The following TTLL11 variants were observed in gnomAD, a reference collection of about 807,000 sequenced individuals.
TTLL11 encodes the protein tubulin polyglutamylase TTLL11.
A neutral mutation model predicts 51.7 loss-of-function variants in TTLL11; 42 were observed. The ratio of observed to expected loss-of-function variants is 0.81; its 90% CI spans 0.64 to 1.05. The LOEUF is 1.05. TTLL11 is among the 50% of genes least tolerant of loss of function. TTLL11 has a pLI of 0.00. For synonymous variants in TTLL11, 381 were observed against 383.5 expected (o/e 0.99, Z 0.08); for missense variants, 799 against 940.4 (o/e 0.85, Z 1.97).
chr9:121,825,136 CAA>C (rs1285572012), intron 8 of TTLL11, among the ~76,000 whole-genome samples: 1 of 152,194 alleles, frequency 6.6e-6, no homozygotes. Flanking sequence ...TGGTCTGACT[CAA>C]GAGACAGATG....
chr9:121,840,884 C>T (rs932298395), intron 8 of TTLL11, among the ~76,000 whole-genome samples: 15 of 152,200 alleles, frequency 9.9e-5, no homozygotes, highest in African/African-American at 3.6e-4. Flanking sequence ...TGTGCTAGGC[C>T]CTGGGCCCCA....
chr9:121,918,381 G>T (rs1027962490), intron 6 of TTLL11, among the ~76,000 whole-genome samples: 3 of 152,148 alleles, frequency 2.0e-5, no homozygotes, highest in Non-Finnish European at 2.9e-5. Context: ...GTCCCAAGAG[G>T]GTAGCAACTG....
intron 6 of TTLL11, among the ~76,000 whole-genome samples, chr9:121,935,902 C>T (rs1841192424): frequency 6.6e-6 from 1 of 152,170 alleles, no homozygotes; most frequent in African/African-American, 2.4e-5. Flanking sequence ...CTGCCCAGGC[C>T]TGGACAGAGC....
At chr9:121,914,194 A>G (rs1418843598) in intron 6 of TTLL11, among the ~76,000 whole-genome samples, 1 of 152,246 alleles carries the variant, frequency 6.6e-6, no homozygotes, top group African/African-American at 2.4e-5. Flanking sequence ...TCGTGTAAAT[A>G]AAGTTTTATT....
intron 1 of TTLL11, among the ~76,000 whole-genome samples, chr9:122,041,793 G>A (rs1588232045): frequency 6.6e-6 from 1 of 151,920 alleles, no homozygotes; most frequent in East Asian, 1.9e-4. Context: ...TAAACAGAAA[G>A]ATATCCTATG....
At chr9:121,942,362 T>C (rs1841508443) in intron 6 of TTLL11, among the ~76,000 whole-genome samples, 1 of 152,220 alleles carries the variant, frequency 6.6e-6, no homozygotes, top group Non-Finnish European at 1.5e-5. Flanking sequence ...TCAAATAGTT[T>C]CCCAGGCACT....
chr9:121,930,795 G>C (rs1840936587), intron 6 of TTLL11, among the ~76,000 whole-genome samples: 1 of 152,230 alleles, frequency 6.6e-6, no homozygotes. Context: ...ACGCCTCACA[G>C]GGCAGTTGTG....
intron 6 of TTLL11, among the ~76,000 whole-genome samples, chr9:121,970,217 C>T (rs568813217): frequency 6.6e-6 from 1 of 152,310 alleles, no homozygotes; most frequent in African/African-American, 2.4e-5. Flanking sequence ...CTATTTATGA[C>T]TTGATAAGTT....
At chr9:121,830,336 C>T (rs571173692) in intron 8 of TTLL11, among the ~76,000 whole-genome samples, 1 of 152,324 alleles carries the variant, frequency 6.6e-6, no homozygotes, top group East Asian at 1.9e-4. Context: ...GTTTCTGATT[C>T]AGAGGGCTGA....
intron 3 of TTLL11, among the ~76,000 whole-genome samples, chr9:121,996,313 T>C (rs1772450571): frequency 6.6e-6 from 1 of 152,154 alleles, no homozygotes; most frequent in African/African-American, 2.4e-5. Context: ...TCATCTATGG[T>C]CCCTTGGGAA....
At chr9:121,899,363 G>GTGTATATATATATACATATATATA (rs1839662505) in intron 6 of TTLL11, among the ~76,000 whole-genome samples, 2 of 83,710 alleles carry the variant, frequency 2.4e-5, no homozygotes, top group Admixed American at 3.7e-4. Context: ...GTATGTGTGT[G>GTGTATATATATATACATATATATA]TGTATATATA....
intron 8 of TTLL11, among the ~76,000 whole-genome samples, chr9:121,840,713 G>A (rs1356491024): frequency 6.6e-6 from 1 of 152,164 alleles, no homozygotes; most frequent in Non-Finnish European, 1.5e-5. Context: ...CAGTTTCAAT[G>A]AGGAGGCAGA....
chr9:121,899,367 A>G (rs112392875), intron 6 of TTLL11, among the ~76,000 whole-genome samples: 56,190 of 125,392 alleles, frequency 0.45, 11,969 homozygotes, highest in South Asian at 0.59. Flanking sequence ...GTGTGTGTGT[A>G]TATATATATA....
At chr9:121,845,304 T>C (rs7027567) in intron 8 of TTLL11, among the ~76,000 whole-genome samples, 101,887 of 151,928 alleles carry the variant, frequency 0.67, 34,592 homozygotes, top group East Asian at 0.79. Context: ...GAATTCTGTA[T>C]GGAGTGAAAT....
At chr9:121,870,115 C>T (rs7042979) in intron 7 of TTLL11, among the ~76,000 whole-genome samples, 3,201 of 152,292 alleles carry the variant, frequency 0.021, 112 homozygotes, top group African/African-American at 0.07. Flanking sequence ...ATGTGCCTTG[C>T]TTCTCTGTTG....
chr9:121,880,930 C>G (rs986698350), intron 6 of TTLL11, among the ~76,000 whole-genome samples: 1 of 152,212 alleles, frequency 6.6e-6, no homozygotes, highest in African/African-American at 2.4e-5. Context: ...TGTTAAACCC[C>G]TGCACTACCC....
intron 1 of TTLL11, among the ~76,000 whole-genome samples, chr9:122,074,791 C>T (rs921939916): frequency 4.0e-5 from 6 of 150,906 alleles, no homozygotes; most frequent in South Asian, 4.2e-4. Flanking sequence ...CCCAGCTACT[C>T]GGAAGGCTGA....
At chr9:121,972,069 G>A (rs1588166562) in intron 6 of TTLL11, among the ~76,000 whole-genome samples, 1 of 151,324 alleles carries the variant, frequency 6.6e-6, no homozygotes, top group South Asian at 2.1e-4. Context: ...ACCATGGCAC[G>A]TGTATACCTA....
chr9:122,080,677 A>G (rs958291075), intron 1 of TTLL11, among the ~76,000 whole-genome samples: 1 of 152,144 alleles, frequency 6.6e-6, no homozygotes, highest in African/African-American at 2.4e-5. Flanking sequence ...TGGGCGACAG[A>G]GTGAAACCTT....
Sources: gnomAD v4.1 joint callset for allele counts (sites outside exome capture counted in the v4.1 genomes callset) on GRCh38, gnomAD v4.1.1 for gene constraint, MANE v1.5 for transcripts, NCBI Gene and HGNC (gene_info 2026-07-23, HGNC 2026-07-21) for gene names.